ZNF492: variants seen among roughly 807,000 people sequenced by gnomAD.
The protein encoded by ZNF492 is zinc finger protein 492.
A neutral mutation model predicts 6.4 loss-of-function variants in ZNF492; 3 were observed. The observed-to-expected ratio is 0.47, with a 90% CI of 0.21 to 1.22. The LOEUF (loss-of-function observed/expected upper bound fraction) is 1.22, where lower values mean the gene tolerates loss of function less well. Among genes scored for constraint, ZNF492 ranks in the 50% most tolerant of loss-of-function variants. ZNF492 has a pLI of 0.22. For missense variants in ZNF492, 356 were observed against 612.5 expected, an observed-to-expected ratio of 0.58 and a Z score of 4.42; for synonymous variants, 112 against 205.3, an observed-to-expected ratio of 0.55 and a Z score of 3.89.
chr19:22,645,764 T>C (rs545755019), intron 1 of ZNF492, among the ~76,000 whole-genome samples: 1 of 152,348 alleles, frequency 6.6e-6, no homozygotes, highest in Non-Finnish European at 1.5e-5. Context: ...TCAGGACCAT[T>C]TATTGAATAG....
Position 22,654,292 on chromosome 19 carries a change from A to G in ZNF492, c.130+277A>G, listed in dbSNP as rs1173453569. Among the ~76,000 whole-genome samples the G allele has an allele frequency of 2.0e-5, 3 of 152,150 alleles. No homozygotes were observed. The East Asian group carries it at 5.8e-4, about 29-fold the overall frequency. On this transcript the variant is annotated intron_variant, in intron 3 of 3. Coordinates refer to ENST00000456783, the MANE Select transcript of ZNF492 (RefSeq NM_020855.3). ...TTCATGGCACATAAGAGACTGTGAA[A>G]TCTGACTTTTTCACTGTTTTTGAAA...
At chr19:22,662,454 T>C (rs1163645960) in intron 3 of ZNF492, among the ~76,000 whole-genome samples, 6 of 152,370 alleles carry the variant, frequency 3.9e-5, no homozygotes, top group African/African-American at 7.2e-5. Context: ...TACCCAGTAA[T>C]GGGATGGCTG....
Position 22,665,466 on chromosome 19 carries a change from A to G in ZNF492, c.*201A>G, listed in dbSNP as rs1259762120. On this transcript the variant is annotated 3_prime_UTR_variant, in exon 4 of 4. Coordinates refer to ENST00000456783, the MANE Select transcript of ZNF492 (RefSeq NM_020855.3). ...TAAAGAAAGTAAAAAAGTGATTAATATCTGTGCACATCTTATTCAACATCA... is the reference window on the plus strand; with the variant it reads ...TAAAGAAAGTAAAAAAGTGATTAATGTCTGTGCACATCTTATTCAACATCA... 11 of 1,050,410 alleles carry G rather than the reference A, an allele frequency of 1.0e-5. No homozygotes were observed. The East Asian group carries it at 2.2e-4, about 21-fold the overall frequency. 65.1% of individuals were successfully genotyped at this position (1,050,410 alleles called of 1,614,324 possible).
intron 1 of ZNF492, among the ~76,000 whole-genome samples, chr19:22,636,101 A>AC (rs1555724328): frequency 1.4e-5 from 2 of 138,968 alleles, no homozygotes; most frequent in African/African-American, 5.2e-5. Flanking sequence ...TCTTACTTAA[A>AC]TATTTTTTTT....
chr19:22,650,102 G>A (rs1971924258), intron 1 of ZNF492, among the ~76,000 whole-genome samples: 3 of 152,216 alleles, frequency 2.0e-5, no homozygotes, highest in Admixed American at 1.3e-4. Flanking sequence ...ATCTTTGATG[G>A]GGTTCTTGTG....
At chr19:22,658,006 C>T (rs7251887) in intron 3 of ZNF492, among the ~76,000 whole-genome samples, 29,140 of 152,016 alleles carry the variant, frequency 0.19, 3,679 homozygotes, top group African/African-American at 0.36. Context: ...GAGGGAAACA[C>T]TTTTGTGACT....
chr19:22,641,795 T>C (rs1162451813), intron 1 of ZNF492, among the ~76,000 whole-genome samples: 2 of 152,120 alleles, frequency 1.3e-5, no homozygotes, highest in African/African-American at 2.4e-5. Context: ...TATTTACTTA[T>C]TTATTTTTTA....
In ZNF492 at chr19:22,665,877, A is replaced by T. The variant is rs1972120420; in HGVS notation, c.*612A>T. 6.6e-6 allele frequency: 1 copy of T among 152,524 alleles called. No individual in the cohort carries two copies. The highest frequency in any genetic ancestry group is 2.1e-4 in the South Asian group (1 of 4,840). 9.4% of individuals were successfully genotyped at this position (152,524 alleles called of 1,614,324 possible). ...AGTTTATGTAAATATCAGAGAATTT[A>T]TGTTAGAAATATATAAGGCAATGAC... is the stretch of plus-strand genomic sequence containing the variant. On this transcript the variant is annotated 3_prime_UTR_variant, in exon 4 of 4. Coordinates refer to ENST00000456783, the MANE Select transcript of ZNF492 (RefSeq NM_020855.3).
At chr19:22,637,354 G>C (rs1348985268) in intron 1 of ZNF492, among the ~76,000 whole-genome samples, 1 of 151,868 alleles carries the variant, frequency 6.6e-6, no homozygotes, top group East Asian at 1.9e-4. Context: ...GCAGTGGCAT[G>C]ATCTCAGCTT....
intron 1 of ZNF492, among the ~76,000 whole-genome samples, chr19:22,638,398 G>C (rs568792042): frequency 6.6e-6 from 1 of 152,108 alleles, no homozygotes; most frequent in Non-Finnish European, 1.5e-5. Context: ...TGTATGTGGT[G>C]TAATGAAAGG....
chr19:22,650,282 G>C (rs34861566), intron 1 of ZNF492, among the ~76,000 whole-genome samples: 4,345 of 152,168 alleles, frequency 0.029, 69 homozygotes, highest in East Asian at 0.074. Flanking sequence ...AAAGATGGGT[G>C]CCTGCTCCTT....
At chr19:22,652,220 G>GTTTTTTTTTTTTTTT (rs1568354727) in intron 1 of ZNF492, among the ~76,000 whole-genome samples, 4 of 107,632 alleles carry the variant, frequency 3.7e-5, no homozygotes, top group African/African-American at 2.4e-4. Context: ...CCTTTCTTAG[G>GTTTTTTTTTTTTTTT]CTTTTTTTTT....
chr19:22,656,344 C>G (rs1971996682), intron 3 of ZNF492, among the ~76,000 whole-genome samples: 1 of 150,934 alleles, frequency 6.6e-6, no homozygotes, highest in Admixed American at 6.6e-5. Flanking sequence ...TCCTTCAGGA[C>G]TTTGCTCTGT....
intron 1 of ZNF492, among the ~76,000 whole-genome samples, chr19:22,651,327 A>G (rs1971937923): frequency 6.6e-6 from 1 of 151,646 alleles, no homozygotes; most frequent in East Asian, 1.9e-4. Context: ...GTCTCTGATC[A>G]CCGCTGCTTC....
intron 1 of ZNF492, among the ~76,000 whole-genome samples, chr19:22,651,311 G>A (rs534987162): frequency 4.6e-5 from 7 of 152,000 alleles, no homozygotes; most frequent in Non-Finnish European, 8.8e-5. Flanking sequence ...GTTCTTTTCG[G>A]TGGGAGTCTC....
Position 22,663,834 on chromosome 19 carries a change from A to G in ZNF492, c.165A>G (p.Pro55=), listed in dbSNP as rs760216381. 1.3e-6 allele frequency: 2 copies of G among 1,544,294 alleles called. No homozygotes were observed. The highest frequency in any genetic ancestry group is 2.3e-5 in the East Asian group (1 of 44,014). ...CTTATTTTGCCCGAGACCTTTGGCC[A>G]AAGCAGGGCAAAAAAAATTATTTCC... ...VCSYFARDLW[P]KQGKKNYFQK... is the part of the protein sequence containing the mutation. The change falls in exon 4 of 4, where the codon CCA becomes CCG. Residue 55 remains proline, a synonymous_variant. Coordinates refer to ENST00000456783, the MANE Select transcript of ZNF492 (RefSeq NM_020855.3).
At position 22,663,033 on chromosome 19, in the gene ZNF492, G is replaced by A. The variant is rs556150027; in HGVS notation, c.131-767G>A. Among the ~76,000 whole-genome samples the A allele has an allele frequency of 3.3e-3, 503 of 152,256 alleles. 4 individuals carry two copies. The highest frequency in any genetic ancestry group is 0.011 in the African/African-American group (476 of 41,558). ...CCATACCTATGTCCTGAATGGTATT[G>A]CCTAGGTTTTCCTCTAGGGTTTTTA... On this transcript the variant is annotated intron_variant, in intron 3 of 3. Transcript: ENST00000456783.
chr19:22,646,551 A>G (rs971285447), intron 1 of ZNF492, among the ~76,000 whole-genome samples: 3 of 152,166 alleles, frequency 2.0e-5, no homozygotes, highest in African/African-American at 4.8e-5. Context: ...TTCTAATACT[A>G]TATTCAATAG....
rs574090603 is a variant in ZNF492, at chr19:22,652,691, T to C, written c.-93-616T>C. On this transcript the variant is annotated intron_variant, in intron 1 of 3. Coordinates refer to ENST00000456783, the MANE Select transcript of ZNF492 (RefSeq NM_020855.3). ...GCCTCTGGGGTTCATGCCATTCTCC[T>C]GCCTCAGCCTCCCGAGTAGCTGGGA... is the stretch of plus-strand genomic sequence containing the variant. Among the ~76,000 whole-genome samples the C allele has an allele frequency of 2.0e-4, 30 of 151,984 alleles. No homozygotes were observed. The East Asian group carries it at 4.7e-3, about 24-fold the overall frequency.
Sources: gnomAD v4.1 joint callset for allele counts (sites outside exome capture counted in the v4.1 genomes callset) on GRCh38, gnomAD v4.1.1 for gene constraint, MANE v1.5 for transcripts, NCBI Gene and HGNC (gene_info 2026-07-23, HGNC 2026-07-21) for gene names.